Variants in CADPS2 observed in about 807,000 individuals in gnomAD.
The protein encoded by CADPS2 is calcium dependent secretion activator 2, also known as calcium-dependent secretion activator 2.
Under a neutral mutation model 172.5 loss-of-function variants are expected in CADPS2, and 93 were observed. The observed-to-expected ratio is 0.54, with a 90% confidence interval of 0.46 to 0.64. CADPS2 has a LOEUF of 0.64. Ranked by LOEUF, CADPS2 falls within the 30% of genes least tolerant of loss-of-function variation. The pLI is 0.00. For missense variants in CADPS2, 1,420 were observed against 1,565.9 expected (o/e 0.91, Z 1.57); for synonymous variants, 546 against 555.2 (o/e 0.98, Z 0.23).
rs145169985 is a variant in CADPS2 at position 122,696,809 on chromosome 7, T to C, written c.454-33240A>G. Among the ~76,000 whole-genome samples, 617 of 152,314 alleles carry C rather than the reference T, an allele frequency of 4.1e-3. 3 individuals carry two copies. Among genetic ancestry groups the C allele is most frequent in the African/African-American group, 0.014 (586 of 41,566 alleles). On this transcript the variant is annotated intron_variant, in intron 2 of 29. Transcript: ENST00000449022. The stretch of plus-strand genomic sequence containing the variant: ...TAATTGGGAAAAACAGTCAAGTTTT[T>C]CAAATTAACACATAATAGTTGCATT...
intron 1 of CADPS2, among the ~76,000 whole-genome samples, chr7:122,822,601 C>G (rs368213630): frequency 0.097 from 11,927 of 123,088 alleles, 762 homozygotes; most frequent in Middle Eastern, 0.21. Context: ...GTGACTTGCA[C>G]GTATATGCCC....
At chr7:122,853,544 C>A (rs539923150) in intron 1 of CADPS2, among the ~76,000 whole-genome samples, 3 of 152,308 alleles carry the variant, frequency 2.0e-5, no homozygotes, top group Admixed American at 6.5e-5. Context: ...GTTCTTTTAG[C>A]TTTTTCAATA....
chr7:122,722,760 T>C (rs575133703), intron 2 of CADPS2, among the ~76,000 whole-genome samples: 191 of 148,134 alleles, frequency 1.3e-3, no homozygotes, highest in African/African-American at 4.4e-3. Flanking sequence ...GGAGGCATCA[T>C]GCTACCTGAC....
At chr7:122,768,817 C>G (rs947423650) in intron 1 of CADPS2, among the ~76,000 whole-genome samples, 8 of 151,948 alleles carry the variant, frequency 5.3e-5, no homozygotes, top group African/African-American at 9.7e-5. Context: ...TAGAAAGCCA[C>G]AAGAGAGCAT....
At chr7:122,701,374 G>A (rs1359660341) in intron 2 of CADPS2, among the ~76,000 whole-genome samples, 2 of 152,070 alleles carry the variant, frequency 1.3e-5, no homozygotes, top group East Asian at 1.9e-4. Flanking sequence ...CTCACTCATA[G>A]GTGGGAATTG....
chr7:122,761,131 A>C (rs1341090451), intron 1 of CADPS2, among the ~76,000 whole-genome samples: 1 of 152,152 alleles, frequency 6.6e-6, no homozygotes, highest in African/African-American at 2.4e-5. Context: ...ACTGCCTGTC[A>C]CTATTTTGGG....
intron 2 of CADPS2, among the ~76,000 whole-genome samples, chr7:122,679,867 C>G (rs1341611925): frequency 6.6e-6 from 1 of 152,134 alleles, no homozygotes; most frequent in African/African-American, 2.4e-5. Flanking sequence ...AATCTTGTGG[C>G]CTTTCATTAG....
chr7:122,424,437 C>G, intron 17 of CADPS2: 1 of 472,350 alleles, frequency 2.1e-6, no homozygotes, highest in Admixed American at 6.4e-5. Flanking sequence ...TGAATCCAAA[C>G]TGAGCAGTCT....
rs1449664813 is a variant in CADPS2, at chr7:122,615,257, T to G, written c.1147A>C (p.Asn383His). The change falls in exon 6 of 30, where the codon AAT becomes CAT. Residue 383 changes from asparagine (N) to histidine (H), a missense_variant. Physicochemically the swap from Asn to His is moderately conservative, Grantham distance 68. Coordinates refer to ENST00000449022, the MANE Select transcript of CADPS2 (RefSeq NM_017954.11). ...TCCATTGTACAGTAAACAATTCGAT[T>G]GGGAGCAACTGACTTCAGGCCTTGC... ...EVQGLKSVAP[N>H]RIVYCTMEVE... The G allele has an allele frequency of 1.3e-6, 2 of 1,556,076 alleles. No homozygotes were observed. Among genetic ancestry groups the G allele is most frequent in the African/African-American group, 1.4e-5 (1 of 73,640 alleles).
rs181230091 is a variant in CADPS2, at chr7:122,581,181, T to G, written c.1333A>C (p.Arg445=). ...CACACAGGCTGACCACAACTCACCC[T>G]TCCCAGTTCTTTATCTTCCAGGGCC... ...VLALEDKELG[R]VILYPTSNSS... Residue 445 remains arginine, a splice_region_variant and synonymous_variant, in exon 7 of 30, where the codon AGG becomes CGG. Coordinates refer to ENST00000449022, the MANE Select transcript of CADPS2 (RefSeq NM_017954.11). 18 of 1,612,030 alleles carry G rather than the reference T, an allele frequency of 1.1e-5. No homozygotes were observed. In the Admixed American group the frequency reaches 2.3e-4, roughly 21 times the overall value.
At chr7:122,645,493 TA>T (rs767413308) in intron 3 of CADPS2, among the ~76,000 whole-genome samples, 17,078 of 111,846 alleles carry the variant, frequency 0.15, 1,711 homozygotes, top group East Asian at 0.2. Flanking sequence ...TTAGCGTATA[TA>T]TATATAAGTA....
At chr7:122,465,927 T>C (rs1453841562) in intron 14 of CADPS2, among the ~76,000 whole-genome samples, 2 of 152,206 alleles carry the variant, frequency 1.3e-5, no homozygotes, top group African/African-American at 4.8e-5. Flanking sequence ...ACGGCAATGG[T>C]AGTGGTAAAT....
chr7:122,352,512 C>T (rs1281575290), intron 27 of CADPS2, among the ~76,000 whole-genome samples: 1 of 152,130 alleles, frequency 6.6e-6, no homozygotes, highest in African/African-American at 2.4e-5. Context: ...GCCAGACAGA[C>T]AAAACACAAA....
intron 8 of CADPS2, among the ~76,000 whole-genome samples, chr7:122,530,965 C>T (rs1272146085): frequency 2.0e-5 from 3 of 152,044 alleles, no homozygotes; most frequent in Admixed American, 2.0e-4. Flanking sequence ...AGAATGCCAT[C>T]CCTGGTGGGC....
chr7:122,562,771 C>G (rs553309001), intron 7 of CADPS2, among the ~76,000 whole-genome samples: 1 of 152,156 alleles, frequency 6.6e-6, no homozygotes, highest in East Asian at 1.9e-4. Context: ...GTGCTTATAT[C>G]TTGCACACAC....
chr7:122,541,867 G>GCATATATATTTATATATATT (rs1313405434), intron 8 of CADPS2, among the ~76,000 whole-genome samples: 1,065 of 96,894 alleles, frequency 0.011, 25 homozygotes, highest in African/African-American at 0.033. Context: ...TTATATATAT[G>GCATATATATTTATATATATT]CATATATATT....
intron 9 of CADPS2, among the ~76,000 whole-genome samples, chr7:122,496,817 A>C (rs1390487232): frequency 6.6e-6 from 1 of 152,174 alleles, no homozygotes; most frequent in Non-Finnish European, 1.5e-5. Context: ...ATTATTATTC[A>C]GTGATTATTC....
intron 3 of CADPS2, among the ~76,000 whole-genome samples, chr7:122,635,141 A>G (rs2076942037): frequency 6.6e-6 from 1 of 152,124 alleles, no homozygotes; most frequent in Non-Finnish European, 1.5e-5. Flanking sequence ...TAGATAGAGT[A>G]TTCTGTAGAT....
chr7:122,738,257 A>C (rs2092286364), intron 1 of CADPS2, among the ~76,000 whole-genome samples: 1 of 152,184 alleles, frequency 6.6e-6, no homozygotes, highest in Non-Finnish European at 1.5e-5. Flanking sequence ...CTTAGTAAAA[A>C]TATTAACAAT....
Sources: allele counts gnomAD v4.1 joint callset (sites outside exome capture counted in the v4.1 genomes callset), GRCh38; gene constraint gnomAD v4.1.1; transcripts MANE v1.5; gene names NCBI Gene and HGNC (gene_info 2026-07-23, HGNC 2026-07-21).